The following GNG7 variants were observed in gnomAD, a reference collection of about 807,000 sequenced individuals.
The protein encoded by GNG7 is G protein subunit gamma 7.
Under a neutral mutation model 4.0 loss-of-function variants are expected in GNG7, and 1 was observed. The observed-to-expected ratio is 0.25, with a 90% CI of 0.09 to 1.18. GNG7 has a LOEUF of 1.18. Among genes scored for constraint, GNG7 ranks in the 50% most tolerant of loss-of-function variants. The pLI is 0.50. For missense variants in GNG7, 86 were observed against 91.9 expected (o/e 0.94, Z 0.26); for synonymous variants, 34 against 36.9 (o/e 0.92, Z 0.29).
At chr19:2,661,521 G>A (rs1983178247) in intron 1 of GNG7, among the ~76,000 whole-genome samples, 2 of 151,588 alleles carry the variant, frequency 1.3e-5, no homozygotes, top group South Asian at 2.1e-4. Flanking sequence ...AAATTAGCCA[G>A]TAATTGGCTA....
At position 2,653,383 on chromosome 19, in the gene GNG7, A is replaced by G. The variant is rs1982880535; in HGVS notation, c.-134-7103T>C. Among the ~76,000 whole-genome samples the G allele has an allele frequency of 6.6e-6, 1 of 152,252 alleles. No homozygotes were observed. The highest frequency in any genetic ancestry group is 1.9e-4 in the East Asian group (1 of 5,162). Reference sequence around the variant, plus strand: ...ATGAGGGATCGATCTGAGTCCCATGATCCTCGGCCCTGCTGAGGTCCCAGG... The same window carrying G: ...ATGAGGGATCGATCTGAGTCCCATGGTCCTCGGCCCTGCTGAGGTCCCAGG... On this transcript the variant is annotated intron_variant, in intron 1 of 4. Transcript: ENST00000382159. The surrounding 1 kb of genome is among the most constrained non-coding windows in gnomAD (Gnocchi z 4.8).
At chr19:2,588,050 T>C (rs1384726180) in intron 2 of GNG7, among the ~76,000 whole-genome samples, 1 of 152,114 alleles carries the variant, frequency 6.6e-6, no homozygotes, top group East Asian at 1.9e-4. Flanking sequence ...GAAAAGGAAA[T>C]GAAAAGCATC....
chr19:2,550,131 G>A (rs904817910), intron 3 of GNG7, among the ~76,000 whole-genome samples: 16 of 152,074 alleles, frequency 1.1e-4, no homozygotes, highest in African/African-American at 3.6e-4. Flanking sequence ...AGAGTGTTTG[G>A]GTTGAGACTG....
chr19:2,578,401 G>C (rs560792729), intron 2 of GNG7, among the ~76,000 whole-genome samples: 35 of 152,286 alleles, frequency 2.3e-4, no homozygotes, highest in African/African-American at 7.9e-4. Context: ...GTATTTGATA[G>C]AATCTCTTCC....
intron 3 of GNG7, among the ~76,000 whole-genome samples, chr19:2,535,448 C>T (rs577738149): frequency 5.4e-4 from 82 of 150,880 alleles, no homozygotes; most frequent in African/African-American, 1.9e-3. Context: ...TGCAGTGAGC[C>T]GAGATCATGC....
rs370081249 is a variant in GNG7 at position 2,543,038 on chromosome 19, G to A, written c.-38+12111C>T. Among the ~76,000 whole-genome samples, 19 of 151,564 alleles carry A rather than the reference G, an allele frequency of 1.3e-4. 1 individual carries two copies. In the East Asian group the frequency reaches 2.9e-3, roughly 23 times the overall value. ...AGTGATTCTCCTGCCTCAGTCTCCCGAGTAGCTGGGATTACAGGCATCCAC... is the reference window on the plus strand; with the variant it reads ...AGTGATTCTCCTGCCTCAGTCTCCCAAGTAGCTGGGATTACAGGCATCCAC... On this transcript the variant is annotated intron_variant, in intron 3 of 4. Coordinates refer to ENST00000382159, the MANE Select transcript of GNG7 (RefSeq NM_052847.3).
At chr19:2,559,110 C>T (rs778898418) in intron 2 of GNG7, among the ~76,000 whole-genome samples, 5 of 150,950 alleles carry the variant, frequency 3.3e-5, no homozygotes, top group Non-Finnish European at 7.4e-5. Context: ...AGTTATATTC[C>T]TTTCATAGTC....
At chr19:2,688,247 C>G (rs1485355122) in intron 1 of GNG7, among the ~76,000 whole-genome samples, 3 of 152,100 alleles carry the variant, frequency 2.0e-5, no homozygotes, top group African/African-American at 7.2e-5. Context: ...AGCGAGACTC[C>G]GTCTCAACAA....
At chr19:2,625,601 T>C (rs951590710) in intron 2 of GNG7, among the ~76,000 whole-genome samples, 6 of 152,008 alleles carry the variant, frequency 3.9e-5, no homozygotes, top group Non-Finnish European at 8.8e-5. Context: ...GGGCCATGGG[T>C]CACCCATGCC....
At chr19:2,524,209 A>T (rs1978326812) in intron 3 of GNG7, among the ~76,000 whole-genome samples, 1 of 152,076 alleles carries the variant, frequency 6.6e-6, no homozygotes, top group Non-Finnish European at 1.5e-5. Context: ...CGCAATTTCC[A>T]TGTGAGCATC....
chr19:2,696,351 G>GAAAGA (rs948969160), intron 1 of GNG7, among the ~76,000 whole-genome samples: 1 of 128,644 alleles, frequency 7.8e-6, no homozygotes, highest in East Asian at 2.2e-4. Context: ...AGAAAGAAAA[G>GAAAGA]AAAGAAAAGA....
intron 2 of GNG7, among the ~76,000 whole-genome samples, chr19:2,586,541 GACACTCAC>G (rs1239390437): frequency 1.3e-5 from 2 of 152,168 alleles, no homozygotes; most frequent in East Asian, 1.9e-4. Flanking sequence ...GGGAGGGAAG[GACACTCAC>G]ACACTCTGGA....
intron 3 of GNG7, among the ~76,000 whole-genome samples, chr19:2,523,917 ATCTGTCTGC>A (rs922273920): frequency 2.6e-5 from 4 of 152,146 alleles, no homozygotes; most frequent in Admixed American, 1.3e-4. Flanking sequence ...AGAAGGCCCA[ATCTGTCTGC>A]TCTGGAGGCA....
chr19:2,590,884 CCCAT>C (rs1249459819), intron 2 of GNG7, among the ~76,000 whole-genome samples: 1 of 150,296 alleles, frequency 6.7e-6, no homozygotes, highest in Non-Finnish European at 1.5e-5. Flanking sequence ...CATCCATCCA[CCCAT>C]CCATCCATTT....
chr19:2,556,388 C>T (rs939436140), intron 2 of GNG7, among the ~76,000 whole-genome samples: 2 of 152,196 alleles, frequency 1.3e-5, no homozygotes, highest in African/African-American at 2.4e-5. Context: ...CGGGCTGGGC[C>T]GGGTTCACGT....
chr19:2,627,035 C>A (rs910287731), intron 2 of GNG7, among the ~76,000 whole-genome samples: 6 of 152,172 alleles, frequency 3.9e-5, no homozygotes, highest in Admixed American at 1.3e-4. Flanking sequence ...AGCCCCAGCT[C>A]CTGGGACTCA....
At chr19:2,637,015 A>C in intron 2 of GNG7, among the ~76,000 whole-genome samples, 1 of 146,352 alleles carries the variant, frequency 6.8e-6, no homozygotes, top group Non-Finnish European at 1.5e-5. Flanking sequence ...TGCACCTCCA[A>C]CTCCACTTGT....
intron 2 of GNG7, among the ~76,000 whole-genome samples, chr19:2,621,831 G>A (rs1349094931): frequency 6.6e-6 from 1 of 152,152 alleles, no homozygotes; most frequent in Admixed American, 6.5e-5. Context: ...GCCAGAGGAC[G>A]CGGAAGGATC....
chr19:2,659,592 T>TAAAAA (rs879035849), intron 1 of GNG7, among the ~76,000 whole-genome samples: 3 of 43,466 alleles, frequency 6.9e-5, no homozygotes, highest in Admixed American at 3.6e-4. Flanking sequence ...GACTCCATCT[T>TAAAAA]AAAAAAAAAA....
Sources: gnomAD v4.1 joint callset for allele counts (sites outside exome capture counted in the v4.1 genomes callset) on GRCh38, gnomAD v4.1.1 for gene constraint, Gnocchi (gnomAD v3.1) non-coding constraint, MANE v1.5 for transcripts, NCBI Gene and HGNC (gene_info 2026-07-23, HGNC 2026-07-21) for gene names.